SCAPER: variants seen among roughly 807,000 people sequenced by gnomAD.
The protein encoded by SCAPER is S-phase cyclin A associated protein in the ER.
In SCAPER, 98 loss-of-function variants were observed where a neutral mutation model predicts 182.2. That is an observed-to-expected ratio of 0.54 (90% CI 0.46 to 0.64). The LOEUF (loss-of-function observed/expected upper bound fraction) is 0.64. Ranked by LOEUF, SCAPER falls within the 30% of genes least tolerant of loss-of-function variation. The pLI, the probability that SCAPER is intolerant of heterozygous loss-of-function variation, is 0.00. For synonymous variants in SCAPER, 605 were observed against 564.6 expected (o/e 1.07, Z -1.01); for missense variants, 1,432 against 1,690.0 (o/e 0.85, Z 2.68).
intron 22 of SCAPER, among the ~76,000 whole-genome samples, chr15:76,615,126 T>C (rs768366472): frequency 2.0e-5 from 3 of 152,078 alleles, no homozygotes; most frequent in African/African-American, 7.2e-5. Context: ...AAATCTCTCG[T>C]TGAAGAAAAG....
intron 5 of SCAPER, among the ~76,000 whole-genome samples, chr15:76,839,034 C>T (rs930163181): frequency 2.0e-5 from 3 of 152,194 alleles, no homozygotes; most frequent in Non-Finnish European, 2.9e-5. Flanking sequence ...TTTGCTGGAA[C>T]GTCAGTTCTT....
At chr15:76,530,910 AATATATATGTATATATGTATGTATAC>A (rs1165742016) in intron 23 of SCAPER, among the ~76,000 whole-genome samples, 2 of 151,702 alleles carry the variant, frequency 1.3e-5, no homozygotes, top group South Asian at 4.2e-4. Flanking sequence ...GTGTATATGT[AATATATATGTATATATGTATGTATAC>A]ATATATATGT....
intron 17 of SCAPER, among the ~76,000 whole-genome samples, chr15:76,722,824 CTTT>C (rs1239068883): frequency 6.6e-6 from 1 of 151,846 alleles, no homozygotes. Context: ...CTCTTTTCTT[CTTT>C]ATTAGTCTTG....
chr15:76,536,548 T>C (rs189752648), intron 23 of SCAPER, among the ~76,000 whole-genome samples: 1 of 152,334 alleles, frequency 6.6e-6, no homozygotes, highest in African/African-American at 2.4e-5. Flanking sequence ...AGGGTATTTT[T>C]GGTTATTGTT....
chr15:76,574,056 G>A, intron 23 of SCAPER, 102 bp downstream of exon 23: 1 of 1,103,656 alleles, frequency 9.1e-7, no homozygotes, highest in Non-Finnish European at 1.2e-6. Context: ...AAAAAACACA[G>A]AAGAAAGGTA....
rs143172634 is a variant in SCAPER, at chr15:76,752,934, T to A, written c.1866+874A>T. ...AAAAATTAGACTCTATACATGTATT[T>A]AAAAAAAATGACTCAAATTAAAATG... On this transcript the variant is annotated intron_variant, in intron 15 of 31. Coordinates refer to ENST00000563290, the MANE Select transcript of SCAPER (RefSeq NM_020843.4). Among the ~76,000 whole-genome samples, 1,366 of 151,622 alleles carry A rather than the reference T, an allele frequency of 9.0e-3. 21 individuals are homozygous for A. Among genetic ancestry groups the A allele is most frequent in the African/African-American group, 0.032 (1,326 of 41,452 alleles).
At chr15:76,840,249 C>T (rs530407921) in intron 5 of SCAPER, among the ~76,000 whole-genome samples, 3 of 151,734 alleles carry the variant, frequency 2.0e-5, no homozygotes, top group South Asian at 4.2e-4. Flanking sequence ...GCATCCTCAT[C>T]GCTACAAAAA....
chr15:76,848,347 GAC>G lies in SCAPER; in HGVS notation c.196-6418_196-6417del, dbSNP rs1456491452. Among the ~76,000 whole-genome samples the G allele has an allele frequency of 3.0e-3, 273 of 92,108 alleles. 3 individuals are homozygous for G. The highest frequency in any genetic ancestry group is 0.013 in the African/African-American group (247 of 19,164). 60.4% of individuals were successfully genotyped at this position (92,108 alleles called of 152,430 possible). Reference sequence around the variant, plus strand: ...GGTTTTTTTTTTTTTTTTTTTTTTTGACACAGAGTCTCGCTCTGTCGCCCAGG... The same window carrying G: ...GGTTTTTTTTTTTTTTTTTTTTTTTGACAGAGTCTCGCTCTGTCGCCCAGG... On this transcript the variant is annotated intron_variant, in intron 4 of 31. Coordinates refer to ENST00000563290, the MANE Select transcript of SCAPER (RefSeq NM_020843.4).
intron 5 of SCAPER, among the ~76,000 whole-genome samples, chr15:76,825,537 C>CA (rs10709168): frequency 6.6e-6 from 1 of 151,646 alleles, no homozygotes; most frequent in African/African-American, 2.4e-5. Context: ...AGTTATTAGT[C>CA]AAAAAAAATG....
At chr15:76,701,178 C>T (rs532622445) in intron 20 of SCAPER, among the ~76,000 whole-genome samples, 3 of 151,246 alleles carry the variant, frequency 2.0e-5, no homozygotes, top group African/African-American at 4.9e-5. Flanking sequence ...TTTTCCTGGA[C>T]AGCTTGAGTT....
chr15:76,546,988 T>C (rs2045353761), intron 23 of SCAPER, among the ~76,000 whole-genome samples: 1 of 152,182 alleles, frequency 6.6e-6, no homozygotes, highest in Non-Finnish European at 1.5e-5. Flanking sequence ...ATTTCTGTTA[T>C]TAAAATGATG....
At chr15:76,439,162 T>C (rs549176963) in intron 25 of SCAPER, among the ~76,000 whole-genome samples, 4 of 152,070 alleles carry the variant, frequency 2.6e-5, no homozygotes, top group Non-Finnish European at 4.4e-5. Context: ...CTCTGCTCAC[T>C]GTATTCTCCA....
intron 22 of SCAPER, among the ~76,000 whole-genome samples, chr15:76,591,247 C>G (rs2049081402): frequency 6.6e-6 from 1 of 151,982 alleles, no homozygotes; most frequent in Non-Finnish European, 1.5e-5. Flanking sequence ...AATTTCAAGA[C>G]AGCAATAGTC....
chr15:76,708,857 G>T (rs1175417626), intron 17 of SCAPER, among the ~76,000 whole-genome samples: 1 of 152,108 alleles, frequency 6.6e-6, no homozygotes, highest in Non-Finnish European at 1.5e-5. Flanking sequence ...CTTGAGGTCA[G>T]GAGTTCAAGA....
chr15:76,716,849 T>C (rs942728362), intron 17 of SCAPER, among the ~76,000 whole-genome samples: 1 of 152,050 alleles, frequency 6.6e-6, no homozygotes. Flanking sequence ...AAAAGGTTTA[T>C]ATAAATAAAA....
At chr15:76,627,743 G>A (rs550952179) in intron 21 of SCAPER, among the ~76,000 whole-genome samples, 28 of 152,244 alleles carry the variant, frequency 1.8e-4, no homozygotes, top group African/African-American at 6.5e-4. Flanking sequence ...GAATAGTGCT[G>A]TAATGAACAT....
At chr15:76,811,614 A>G in intron 5 of SCAPER, among the ~76,000 whole-genome samples, 1 of 152,012 alleles carries the variant, frequency 6.6e-6, no homozygotes, top group Admixed American at 6.5e-5. Flanking sequence ...AACATGGAGA[A>G]ACCCCTCACT....
chr15:76,779,977 A>T (rs1318016476), intron 8 of SCAPER, among the ~76,000 whole-genome samples: 2 of 152,200 alleles, frequency 1.3e-5, no homozygotes, highest in Non-Finnish European at 2.9e-5. Context: ...CGCAGAAGAA[A>T]GGATTTCTGC....
chr15:76,531,691 A>G (rs551663094), intron 23 of SCAPER, among the ~76,000 whole-genome samples: 8 of 152,240 alleles, frequency 5.3e-5, no homozygotes, highest in Admixed American at 3.3e-4. Context: ...AGTGTTAATT[A>G]TGATTATTAG....
Sources: gnomAD v4.1 joint callset for allele counts (sites outside exome capture counted in the v4.1 genomes callset) on GRCh38, gnomAD v4.1.1 for gene constraint, MANE v1.5 for transcripts, NCBI Gene and HGNC (gene_info 2026-07-23, HGNC 2026-07-21) for gene names.